The following LHCGR variants were observed in gnomAD, a reference collection of about 807,000 sequenced individuals.
LHCGR encodes lutropin-choriogonadotropic hormone receptor.
In LHCGR, 55 loss-of-function variants were observed where a neutral mutation model predicts 60.7. The ratio of observed to expected loss-of-function variants is 0.91; its 90% CI spans 0.73 to 1.13. LHCGR has a LOEUF of 1.13. LHCGR is among the 50% of genes most tolerant of loss of function. LHCGR has a pLI of 0.00. For synonymous variants in LHCGR, 337 were observed against 316.5 expected, an observed-to-expected ratio of 1.06 and a Z score of -0.69; for missense variants, 862 against 836.0, an observed-to-expected ratio of 1.03 and a Z score of -0.38.
At chr2:48,700,736 A>G (rs1222526046) in intron 8 of LHCGR, among the ~76,000 whole-genome samples, 1 of 152,202 alleles carries the variant, frequency 6.6e-6, no homozygotes, top group African/African-American at 2.4e-5. Flanking sequence ...CATGCAGAAA[A>G]AGACCCCTAG....
At chr2:48,719,178 C>T (rs868512503) in intron 6 of LHCGR, among the ~76,000 whole-genome samples, 2 of 152,006 alleles carry the variant, frequency 1.3e-5, no homozygotes, top group Non-Finnish European at 2.9e-5. Flanking sequence ...AAAAATTAGC[C>T]GGGCATGGTG....
In LHCGR at chr2:48,717,514, G is replaced by A. The variant is rs183599548; in HGVS notation, c.537-3460C>T. ...GTTAAACATTTATAAGTAGGTTCTGGAATACAATAAATGCTTAATGTGTTG... is the reference window on the plus strand; with the variant it reads ...GTTAAACATTTATAAGTAGGTTCTGAAATACAATAAATGCTTAATGTGTTG... On this transcript the variant is annotated intron_variant, in intron 6 of 10. Transcript: ENST00000294954. 8.0e-5 allele frequency among the ~76,000 whole-genome samples: 12 copies of A among 150,138 alleles called. No homozygotes were observed. In the South Asian group the frequency reaches 2.6e-3, roughly 32 times the overall value.
At chr2:48,701,137 C>T (rs972844761) in intron 8 of LHCGR, among the ~76,000 whole-genome samples, 7 of 151,938 alleles carry the variant, frequency 4.6e-5, no homozygotes, top group African/African-American at 1.7e-4. Flanking sequence ...GGCTGAGGGG[C>T]AGGAGCTAGG....
At chr2:48,709,128 TTA>T (rs1296083150) in intron 7 of LHCGR, 106 bp from the exon 8 acceptor site, 9 of 865,120 alleles carry the variant, frequency 1.0e-5, no homozygotes, top group Non-Finnish European at 1.8e-5. Flanking sequence ...ATGTATAGGG[TTA>T]AAAGGGGGAA....
intron 6 of LHCGR, 30 bp downstream of exon 6, chr2:48,723,426 G>A: frequency 6.7e-7 from 1 of 1,489,250 alleles, no homozygotes; most frequent in Non-Finnish European, 9.4e-7. Context: ...GAGGCTGTAT[G>A]GCAGAACACA....
chr2:48,707,362 T>C (rs1032905733), intron 8 of LHCGR, among the ~76,000 whole-genome samples: 1 of 152,226 alleles, frequency 6.6e-6, no homozygotes, highest in Non-Finnish European at 1.5e-5. Flanking sequence ...CCAGTCAAGC[T>C]ACATGGGGGT....
At chr2:48,717,099 C>T (rs1668282044) in intron 6 of LHCGR, among the ~76,000 whole-genome samples, 1 of 152,114 alleles carries the variant, frequency 6.6e-6, no homozygotes, top group Non-Finnish European at 1.5e-5. Flanking sequence ...AGAGTCTAGT[C>T]CCTGGATTGC....
Position 48,723,623 on chromosome 2 carries a change from G to A in LHCGR, c.457C>T (p.Leu153=). The A allele has an allele frequency of 6.2e-7, 1 of 1,612,568 alleles. No homozygotes were observed. The highest frequency in any genetic ancestry group is 8.5e-7 in the Non-Finnish European group (1 of 1,178,550). Residue 153 remains leucine (L), a splice_region_variant and synonymous_variant, in exon 5 of 11, where the codon CTG becomes TTG. Coordinates refer to ENST00000294954, the MANE Select transcript of LHCGR (RefSeq NM_000233.4). The stretch of plus-strand genomic sequence containing the variant: ...CATAGCAATCAGCCTGGTACTTACA[G>A]AATGAAATTTGATTCAGAGGAGAAG... ...KVFSSESNFI[L]EICDNLHITT... is the part of the protein sequence containing the mutation.
chr2:48,705,028 G>A (rs1044739886), intron 8 of LHCGR, among the ~76,000 whole-genome samples: 3 of 152,144 alleles, frequency 2.0e-5, no homozygotes, highest in African/African-American at 7.2e-5. Context: ...TGGGCATTTA[G>A]TGCTATAAAT....
At chr2:48,712,413 G>A (rs13418626) in intron 7 of LHCGR, among the ~76,000 whole-genome samples, 18,455 of 152,096 alleles carry the variant, frequency 0.12, 1,351 homozygotes, top group Middle Eastern at 0.23. Context: ...AGGCATCTGA[G>A]AGAACTGTGC....
At chr2:48,728,972 A>C (rs1668864546) in intron 3 of LHCGR, among the ~76,000 whole-genome samples, 181 bp downstream of exon 3, 1 of 152,178 alleles carries the variant, frequency 6.6e-6, no homozygotes, top group South Asian at 2.1e-4. Context: ...AGCAGTTGTC[A>C]CCATAGCAAC....
At position 48,688,947 on chromosome 2, in the gene LHCGR, C is replaced by G; in HGVS notation, c.948-98G>C. The G allele has an allele frequency of 3.6e-6, 4 of 1,103,892 alleles. No homozygotes were observed. The highest frequency in any genetic ancestry group is 5.4e-6 in the Non-Finnish European group (4 of 741,046). The allele number at this position is 1,103,892 out of a possible 1,614,324, so 68.4% of individuals were successfully genotyped here. Reference sequence around the variant, plus strand: ...TTAAAGGCAAAGAAACAAAAGGAAACAAAGCCATAATAGCCTCAGCCTTAC... The same window carrying G: ...TTAAAGGCAAAGAAACAAAAGGAAAGAAAGCCATAATAGCCTCAGCCTTAC... On this transcript the variant is annotated intron_variant, in intron 10 of 10. Coordinates refer to ENST00000294954, the MANE Select transcript of LHCGR (RefSeq NM_000233.4). The surrounding 1 kb of genome is among the most constrained non-coding windows in gnomAD (Gnocchi z 5.2).
intron 9 of LHCGR, among the ~76,000 whole-genome samples, chr2:48,695,964 C>T (rs1387755133): frequency 6.6e-6 from 1 of 151,946 alleles, no homozygotes; most frequent in Non-Finnish European, 1.5e-5. Context: ...ATGCAATATA[C>T]TCATGTAACA....
rs891333049 is a variant in LHCGR at position 48,714,047 on chromosome 2, A to G, written c.544T>C (p.Tyr182His). The G allele has an allele frequency of 1.9e-6, 3 of 1,612,140 alleles. No homozygotes were observed. Among genetic ancestry groups the G allele is most frequent in the East Asian group, 4.5e-5 (2 of 44,860 alleles). The change falls in exon 7 of 11, where the codon TAT (tyrosine) becomes CAT (histidine). Residue 182 changes from tyrosine (Y) to histidine (H), a missense_variant. Coordinates refer to ENST00000294954, the MANE Select transcript of LHCGR (RefSeq NM_000233.4). ...MNNESVTLKL[Y>H]GNGFEEVQSH... ...TGTACTTCTTCAAATCCATTTCCAT[A>G]TAGTTTGCTGAAGGAGGGAGGAGAG...
intron 1 of LHCGR, among the ~76,000 whole-genome samples, chr2:48,744,932 T>C (rs571527258): frequency 0.013 from 1,986 of 152,096 alleles, 49 homozygotes; most frequent in African/African-American, 0.045. Flanking sequence ...GAGAAAATTT[T>C]CACAACCTAC....
intron 1 of LHCGR, among the ~76,000 whole-genome samples, chr2:48,752,991 G>GTGGGGGGGGGGGTGGGGT (rs1339345341): frequency 1.7e-5 from 1 of 57,948 alleles, no homozygotes; most frequent in African/African-American, 6.7e-5. Flanking sequence ...CGGGGGGGGG[G>GTGGGGGGGGGGGTGGGGT]GGGGGTGGGG....
Position 48,694,265 on chromosome 2 carries a change from T to A in LHCGR, c.906A>T (p.Lys302Asn). ...FSHSISENFS[K>N]QCESTVRKVN... ...CTTTCCTTACTGTGCTTTCACATTG[T>A]TTGGAAAAGTTTTCAGAAATGGAAT... The change falls in exon 10 of 11, where the codon AAA becomes AAT. Residue 302 changes from lysine to asparagine, a missense_variant. Lys to Asn is a moderately conservative substitution (Grantham distance 94). Coordinates refer to ENST00000294954, the MANE Select transcript of LHCGR (RefSeq NM_000233.4). The A allele has an allele frequency of 6.2e-7, 1 of 1,600,516 alleles. No individual in the cohort carries two copies. The highest frequency in any genetic ancestry group is 8.5e-7 in the Non-Finnish European group (1 of 1,169,606).
At chr2:48,695,947 T>A (rs774814772) in intron 9 of LHCGR, among the ~76,000 whole-genome samples, 4 of 152,128 alleles carry the variant, frequency 2.6e-5, no homozygotes, top group Non-Finnish European at 4.4e-5. Flanking sequence ...TTATGCTCAC[T>A]TCCTGGATGC....
intron 1 of LHCGR, among the ~76,000 whole-genome samples, chr2:48,745,709 G>T (rs1572893321): frequency 1.8e-5 from 2 of 113,026 alleles, no homozygotes; most frequent in African/African-American, 3.3e-5. Flanking sequence ...GGTGGGGGGA[G>T]GGGGGAGGGA....
Sources: gnomAD v4.1 joint callset for allele counts (sites outside exome capture counted in the v4.1 genomes callset) on GRCh38, gnomAD v4.1.1 for gene constraint, Gnocchi (gnomAD v3.1) non-coding constraint, MANE v1.5 for transcripts, NCBI Gene and HGNC (gene_info 2026-07-23, HGNC 2026-07-21) for gene names.